The following MMRN1 variants were observed in gnomAD, a reference collection of about 807,000 sequenced individuals.
MMRN1 encodes multimerin-1.
Under a neutral mutation model 100.7 loss-of-function variants are expected in MMRN1, and 94 were observed. The ratio of observed to expected loss-of-function variants is 0.93; its 90% CI spans 0.79 to 1.11. The LOEUF is 1.11. MMRN1 is among the 50% of genes least tolerant of loss of function. The pLI, the probability that MMRN1 is intolerant of heterozygous loss-of-function variation, is 0.00. For synonymous variants in MMRN1, 575 were observed against 505.0 expected, an observed-to-expected ratio of 1.14 and a Z score of -1.86; for missense variants, 1,606 against 1,439.1, an observed-to-expected ratio of 1.12 and a Z score of -1.88.
chr4:89,936,765 A>C lies in MMRN1; in HGVS notation c.3085A>C (p.Thr1029Pro), dbSNP rs1203595336. The change falls in exon 6 of 8, where the codon ACT becomes CCT. Residue 1029 changes from threonine to proline, a missense_variant. Thr to Pro is a conservative substitution (Grantham distance 38). Transcript: ENST00000264790. ...TCTTACCACAGTCCTGATAGGCCGG[A>C]CTCAAAGAAACACGGACAACATAAT... ...VNLTTVLIGR[T>P]QRNTDNIIYP... is the part of the protein sequence containing the mutation. 6.2e-7 allele frequency: 1 copy of C among 1,603,266 alleles called. No homozygotes were observed. Among genetic ancestry groups the C allele is most frequent in the Non-Finnish European group, 8.5e-7 (1 of 1,176,740 alleles).
At chr4:89,923,064 A>G in intron 3 of MMRN1, 104 bp from the exon 4 acceptor site, 1 of 887,398 alleles carries the variant, frequency 1.1e-6, no homozygotes, top group Admixed American at 2.0e-5. Flanking sequence ...ATCATGCTTC[A>G]GTACGCGGGA....
intron 6 of MMRN1, among the ~76,000 whole-genome samples, chr4:89,944,991 C>T (rs183735256): frequency 1.3e-3 from 203 of 152,256 alleles, no homozygotes; most frequent in Non-Finnish European, 2.7e-3. Context: ...CCCCAAATTT[C>T]CTCATGCACC....
chr4:89,899,503 T>C (rs1231167438), intron 1 of MMRN1, among the ~76,000 whole-genome samples: 3 of 152,086 alleles, frequency 2.0e-5, no homozygotes, highest in Non-Finnish European at 4.4e-5. Flanking sequence ...GAATCACAAA[T>C]GCTGATTCTG....
chr4:89,899,769 T>C (rs1721324052), intron 1 of MMRN1, among the ~76,000 whole-genome samples: 1 of 152,062 alleles, frequency 6.6e-6, no homozygotes, highest in Non-Finnish European at 1.5e-5. Context: ...CTGGTTTTTA[T>C]CTAATCTATC....
At chr4:89,896,719 G>A (rs1423381502) in intron 1 of MMRN1, among the ~76,000 whole-genome samples, 1 of 152,138 alleles carries the variant, frequency 6.6e-6, no homozygotes, top group African/African-American at 2.4e-5. Context: ...AGCTGTTGCT[G>A]ATATAAAGGT....
intron 3 of MMRN1, among the ~76,000 whole-genome samples, chr4:89,920,995 T>C (rs72659410): frequency 6.6e-6 from 1 of 152,158 alleles, no homozygotes; most frequent in Non-Finnish European, 1.5e-5. Context: ...TAAAGAAATA[T>C]GTGTTATAAT....
In MMRN1 at chr4:89,905,750, ATCT is replaced by A. The variant is rs775462077; in HGVS notation, c.624-3522_624-3520del. ...CCATAAAGTCTCCCCCAGAAACAAA[ATCT>A]TCTCCCACTTCTCAAAGAAAATTAT... is the stretch of plus-strand genomic sequence containing the variant. On this transcript the variant is annotated intron_variant, in intron 1 of 7. Transcript: ENST00000264790. 6.6e-5 allele frequency among the ~76,000 whole-genome samples: 10 copies of A among 151,662 alleles called. No homozygotes were observed. In the East Asian group the frequency reaches 1.2e-3, roughly 18 times the overall value.
chr4:89,911,030 A>T (rs1721732408), intron 2 of MMRN1, among the ~76,000 whole-genome samples: 1 of 151,376 alleles, frequency 6.6e-6, no homozygotes, highest in East Asian at 1.9e-4. Flanking sequence ...ACTTTGAGAG[A>T]GTTATTTCAT....
intron 3 of MMRN1, among the ~76,000 whole-genome samples, chr4:89,916,512 T>A (rs1040249897): frequency 6.6e-6 from 1 of 151,760 alleles, no homozygotes; most frequent in Non-Finnish European, 1.5e-5. Flanking sequence ...TTCTTTCAAA[T>A]TAGTGATGTT....
rs747363923 is a variant in MMRN1 at position 89,936,720 on chromosome 4, C to T, written c.3040C>T (p.Leu1014Phe). ...VKSLPKKINA[L>F]KKPTVNLTTV... The stretch of plus-strand genomic sequence containing the variant: ...ATCATTGCCAAAGAAAATTAACGCA[C>T]TTAAGAAACCAACGGTAAATCTTAC... The change falls in exon 6 of 8, where the codon CTT becomes TTT. Residue 1014 changes from leucine (L) to phenylalanine (F), a missense_variant. By Grantham distance (22) the Leu-to-Phe change is conservative. Coordinates refer to ENST00000264790, the MANE Select transcript of MMRN1 (RefSeq NM_007351.3). The T allele has an allele frequency of 6.2e-7, 1 of 1,613,196 alleles. No homozygotes were observed. The highest frequency in any genetic ancestry group is 1.3e-5 in the African/African-American group (1 of 74,868).
At chr4:89,917,376 G>A (rs891152456) in intron 3 of MMRN1, among the ~76,000 whole-genome samples, 2 of 151,738 alleles carry the variant, frequency 1.3e-5, no homozygotes, top group Non-Finnish European at 2.9e-5. Context: ...TTGTATTGAG[G>A]TCTCTCCACT....
At position 89,895,300 on chromosome 4, in the gene MMRN1, TCAAGTTACAGAATCTTACCCTCC is replaced by T. The variant is rs759785541; in HGVS notation, c.333_355del (p.Lys111AsnfsTer4). 1.6e-4 allele frequency: 252 copies of T among 1,613,654 alleles called. 3 individuals carry two copies. The highest frequency in any genetic ancestry group is 4.2e-6 in the Non-Finnish European group (5 of 1,179,846). On this transcript the variant is annotated frameshift_variant, in exon 1 of 8. Transcript: ENST00000264790. LOFTEE classifies it high-confidence loss of function. ...TCCACAGAGAAAGCAGAAGGAGTGG[TCAAGTTACAGAATCTTACCCTCC>T]CAACCAACGCTAGCATCAAGTTCAA... is the stretch of plus-strand genomic sequence containing the variant.
chr4:89,883,810 TTCTC>T (rs1378210448), intron 1 of MMRN1, among the ~76,000 whole-genome samples: 1 of 152,132 alleles, frequency 6.6e-6, no homozygotes, highest in East Asian at 1.9e-4. Context: ...AAATAAATCT[TTCTC>T]TATACCAAGA....
intron 6 of MMRN1, among the ~76,000 whole-genome samples, chr4:89,950,575 C>T (rs1723133613): frequency 6.6e-6 from 1 of 151,984 alleles, no homozygotes; most frequent in South Asian, 2.1e-4. Context: ...TTTATTATTT[C>T]TGAATTAGTA....
chr4:89,902,852 T>G (rs1376492774), intron 1 of MMRN1, among the ~76,000 whole-genome samples: 1 of 152,010 alleles, frequency 6.6e-6, no homozygotes, highest in East Asian at 1.9e-4. Flanking sequence ...TTTATTTATA[T>G]GATTCTTTTA....
chr4:89,884,153 C>T (rs944430608), intron 1 of MMRN1, among the ~76,000 whole-genome samples: 3 of 151,912 alleles, frequency 2.0e-5, no homozygotes, highest in South Asian at 4.1e-4. Flanking sequence ...ATTAACTATC[C>T]AATTTTTTTG....
chr4:89,948,682 C>T (rs1723066320), intron 6 of MMRN1, among the ~76,000 whole-genome samples: 1 of 152,126 alleles, frequency 6.6e-6, no homozygotes, highest in Non-Finnish European at 1.5e-5. Flanking sequence ...ACAATATGTC[C>T]AGTTCTGGGT....
upstream of MMRN1, among the ~76,000 whole-genome samples, chr4:89,894,160 G>C (rs775549041): frequency 3.9e-5 from 6 of 152,090 alleles, no homozygotes; most frequent in Non-Finnish European, 7.4e-5. Flanking sequence ...GAAAATAAAG[G>C]AAGTAAAATT....
At chr4:89,909,457 T>A (rs1721677118) in intron 2 of MMRN1, 62 bp downstream of exon 2, 7 of 1,563,156 alleles carry the variant, frequency 4.5e-6, no homozygotes, top group East Asian at 4.6e-5. Context: ...TAGCCGGGAA[T>A]ATATAATGTT....
Sources: allele counts gnomAD v4.1 joint callset (sites outside exome capture counted in the v4.1 genomes callset), GRCh38; gene constraint gnomAD v4.1.1; transcripts MANE v1.5; gene names NCBI Gene and HGNC (gene_info 2026-07-23, HGNC 2026-07-21).